Variants in CCM2 observed in about 807,000 individuals in gnomAD.
The protein encoded by CCM2 is cerebral cavernous malformations 2 protein.
CCM2 carries 25 observed loss-of-function variants against 44.9 expected under a neutral mutation model. That is an observed-to-expected ratio of 0.56 (90% confidence interval 0.41 to 0.78). The LOEUF (loss-of-function observed/expected upper bound fraction) is 0.78, where lower values mean the gene tolerates loss of function less well. Ranked by LOEUF, CCM2 falls within the 30% of genes least tolerant of loss-of-function variation. The pLI, the probability that CCM2 is intolerant of heterozygous loss-of-function variation, is 0.00. For synonymous variants in CCM2, 219 were observed against 241.1 expected, an observed-to-expected ratio of 0.91 and a Z score of 0.85; for missense variants, 481 against 580.6, an observed-to-expected ratio of 0.83 and a Z score of 1.76.
At chr7:45,054,521 T>C (rs1283675602) in intron 2 of CCM2, among the ~76,000 whole-genome samples, 1 of 151,790 alleles carries the variant, frequency 6.6e-6, no homozygotes, top group Non-Finnish European at 1.5e-5. Flanking sequence ...TCAGAAGTTG[T>C]TTTTAGAAGA....
Position 45,011,445 on chromosome 7 carries a change from C to T in CCM2, c.30+11082C>T, listed in dbSNP as rs190221899. On this transcript the variant is annotated intron_variant, in intron 1 of 9. Coordinates refer to ENST00000258781, the MANE Select transcript of CCM2 (RefSeq NM_031443.4). ...CTCCTGACCTCAGGTGATCCAGCTG[C>T]CTTGGCCTCCCAAAGTGCTGGGATT... is the stretch of plus-strand genomic sequence containing the variant. Among the ~76,000 whole-genome samples, 9 of 152,254 alleles carry T rather than the reference C, an allele frequency of 5.9e-5. No homozygotes were observed. The East Asian group carries it at 1.7e-3, about 29-fold the overall frequency.
chr7:45,016,032 T>C (rs1053071020), intron 1 of CCM2, among the ~76,000 whole-genome samples: 6 of 152,264 alleles, frequency 3.9e-5, no homozygotes, highest in Non-Finnish European at 8.8e-5. Flanking sequence ...TCTGGAATAA[T>C]TTACCTTTGG....
At chr7:45,072,016 A>C (rs1054936174) in intron 6 of CCM2, 1 of 372,160 alleles carries the variant, frequency 2.7e-6, no homozygotes, top group South Asian at 2.0e-5. Context: ...TGTCCCTTTT[A>C]TCTCTCAGCC....
At chr7:45,073,610 A>T in intron 8 of CCM2, 39 bp downstream of exon 8, 6 of 1,337,076 alleles carry the variant, frequency 4.5e-6, no homozygotes, top group Non-Finnish European at 6.4e-6. Flanking sequence ...TGCATGAGGG[A>T]GGGGGTGCCC....
intron 1 of CCM2, among the ~76,000 whole-genome samples, chr7:45,024,665 T>C (rs1037607887): frequency 7.9e-5 from 12 of 152,250 alleles, no homozygotes; most frequent in African/African-American, 2.7e-4. Context: ...TGGTTTTAAA[T>C]TAACTTCCAG....
chr7:45,071,376 A>G (rs1408400665), intron 6 of CCM2: 31 of 169,656 alleles, frequency 1.8e-4, no homozygotes, highest in Non-Finnish European at 6.4e-5. Context: ...ATCATGTAAC[A>G]CCACTACTGG....
chr7:45,009,037 C>T (rs1487789555), intron 1 of CCM2, among the ~76,000 whole-genome samples: 1 of 152,050 alleles, frequency 6.6e-6, no homozygotes, highest in Non-Finnish European at 1.5e-5. Flanking sequence ...GCACGGTGCT[C>T]ACGCCTCTAA....
rs1471080387 is a variant in CCM2 at position 45,014,740 on chromosome 7, G to C, written c.30+14377G>C. Reference sequence around the variant, plus strand: ...GGGTTTAAGCGATTCTCCTGCTTCAGCCTCCCCAGTAGCTGGGATCACAGG... The same window carrying C: ...GGGTTTAAGCGATTCTCCTGCTTCACCCTCCCCAGTAGCTGGGATCACAGG... On this transcript the variant is annotated intron_variant, in intron 1 of 9. Coordinates refer to ENST00000258781, the MANE Select transcript of CCM2 (RefSeq NM_031443.4). 1.1e-4 allele frequency among the ~76,000 whole-genome samples: 17 copies of C among 150,584 alleles called. No individual in the cohort carries two copies. In the Admixed American group the frequency reaches 1.1e-3, roughly 10 times the overall value.
chr7:45,034,751 C>A (rs1434675941), intron 1 of CCM2, among the ~76,000 whole-genome samples: 1 of 151,952 alleles, frequency 6.6e-6, no homozygotes, highest in African/African-American at 2.4e-5. Context: ...TAACTCCTGA[C>A]CTCAAGTGAT....
chr7:45,061,545 G>A (rs950873386), intron 2 of CCM2, among the ~76,000 whole-genome samples: 2 of 145,720 alleles, frequency 1.4e-5, no homozygotes, highest in Non-Finnish European at 3.0e-5. Context: ...ATGACTCACT[G>A]CAGCCTCAAC....
At chr7:45,068,683 G>C (rs1373873545) in intron 5 of CCM2, 104 bp downstream of exon 5, 29 of 1,459,592 alleles carry the variant, frequency 2.0e-5, no homozygotes, top group Non-Finnish European at 2.7e-5. Context: ...GCACTGCTGG[G>C]TGCCCCAGCT....
chr7:45,002,822 C>T (rs999942146), intron 1 of CCM2, among the ~76,000 whole-genome samples: 1 of 152,144 alleles, frequency 6.6e-6, no homozygotes, highest in Non-Finnish European at 1.5e-5. Context: ...ACAGGAAGAG[C>T]TTGTGGCCCC....
At chr7:45,043,894 T>G (rs1169542729) in intron 2 of CCM2, among the ~76,000 whole-genome samples, 3 of 152,226 alleles carry the variant, frequency 2.0e-5, no homozygotes, top group Non-Finnish European at 4.4e-5. Context: ...CTACTATATC[T>G]GATTGGTCCT....
In CCM2 at chr7:45,011,236, G is replaced by T. The variant is rs566113229; in HGVS notation, c.30+10873G>T. ...TTTGAGACGGAGTCTCACTCTTGTT[G>T]CCCAGGTTGGAGTGCAATGGTGCGA... On this transcript the variant is annotated intron_variant, in intron 1 of 9. Transcript: ENST00000258781. Among the ~76,000 whole-genome samples, 219 of 149,162 alleles carry T rather than the reference G, an allele frequency of 1.5e-3. 2 individuals carry two copies. Among genetic ancestry groups the T allele is most frequent in the Middle Eastern group, 0.01 (3 of 294 alleles).
intron 1 of CCM2, among the ~76,000 whole-genome samples, chr7:45,012,130 C>CTTTT (rs60568953): frequency 2.1e-5 from 2 of 94,088 alleles, no homozygotes; most frequent in Admixed American, 1.2e-4. Context: ...ATCATAATAT[C>CTTTT]TTTTTTTTTT....
At chr7:45,027,633 C>T (rs1164526113) in intron 1 of CCM2, 2 of 1,613,170 alleles carry the variant, frequency 1.2e-6, no homozygotes, top group African/African-American at 1.3e-5. Context: ...TCTTCCTGTT[C>T]AGTCATGTTT....
chr7:45,074,539 A>T, intron 9 of CCM2, 131 bp downstream of exon 9: 3 of 772,634 alleles, frequency 3.9e-6, no homozygotes, highest in Non-Finnish European at 6.8e-6. Context: ...GATTTGAACC[A>T]GAGATGGCAT....
At chr7:45,019,194 C>T (rs1796385264) in intron 1 of CCM2, among the ~76,000 whole-genome samples, 1 of 151,826 alleles carries the variant, frequency 6.6e-6, no homozygotes, top group Non-Finnish European at 1.5e-5. Flanking sequence ...GCCTCAGCCT[C>T]CTGAGTAGCC....
intron 1 of CCM2, among the ~76,000 whole-genome samples, chr7:45,004,826 A>G (rs1795781292): frequency 6.6e-6 from 1 of 152,058 alleles, no homozygotes; most frequent in Non-Finnish European, 1.5e-5. Flanking sequence ...GTGAAACCCC[A>G]TCTCTACTAA....
Sources: gnomAD v4.1 joint callset for allele counts (sites outside exome capture counted in the v4.1 genomes callset) on GRCh38, gnomAD v4.1.1 for gene constraint, MANE v1.5 for transcripts, NCBI Gene and HGNC (gene_info 2026-07-23, HGNC 2026-07-21) for gene names.